Variants in PLXNA4 observed in about 807,000 individuals in gnomAD.
PLXNA4 encodes plexin-A4.
A neutral mutation model predicts 191.8 loss-of-function variants in PLXNA4; 44 were observed. The observed-to-expected ratio is 0.23, with a 90% CI of 0.18 to 0.29. The LOEUF (loss-of-function observed/expected upper bound fraction) is 0.29, where lower values mean the gene tolerates loss of function less well. Ranked by LOEUF, PLXNA4 falls within the 10% of genes least tolerant of loss-of-function variation. The probability of loss-of-function intolerance (pLI) is 1.00; values close to 1 mark genes in which losing one functional copy is unlikely to be tolerated. For missense variants in PLXNA4, 1,800 were observed against 2,488.8 expected (o/e 0.72, Z 5.89); for synonymous variants, 1,082 against 1,009.5 (o/e 1.07, Z -1.36).
chr7:132,349,546 G>A (rs963455432), intron 3 of PLXNA4, among the ~76,000 whole-genome samples: 10 of 152,192 alleles, frequency 6.6e-5, no homozygotes, highest in Non-Finnish European at 2.9e-5. Context: ...TATTTGGAAA[G>A]GCCCTCAGGG....
chr7:132,321,279 A>G (rs1220036429), intron 3 of PLXNA4, among the ~76,000 whole-genome samples: 2 of 152,116 alleles, frequency 1.3e-5, no homozygotes, highest in Admixed American at 1.3e-4. Flanking sequence ...CTGTCTGCCA[A>G]GCTGCTGAAG....
chr7:132,243,304 C>T (rs1798941721), intron 4 of PLXNA4, among the ~76,000 whole-genome samples: 2 of 152,168 alleles, frequency 1.3e-5, no homozygotes, highest in South Asian at 4.1e-4. Context: ...TAGGCTTAAA[C>T]AGAAAATCAT....
chr7:132,258,520 C>T (rs970969815), intron 4 of PLXNA4, among the ~76,000 whole-genome samples: 5 of 152,196 alleles, frequency 3.3e-5, no homozygotes, highest in Admixed American at 1.3e-4. Context: ...CTCAATGACT[C>T]CAGGAGCAGG....
chr7:132,469,398 T>G (rs1161533978), intron 3 of PLXNA4, among the ~76,000 whole-genome samples: 1 of 152,168 alleles, frequency 6.6e-6, no homozygotes, highest in African/African-American at 2.4e-5. Context: ...TGTTTTCTCA[T>G]TTTCCATTCC....
At chr7:132,319,491 T>C (rs1184954920) in intron 3 of PLXNA4, among the ~76,000 whole-genome samples, 1 of 152,188 alleles carries the variant, frequency 6.6e-6, no homozygotes, top group Non-Finnish European at 1.5e-5. Flanking sequence ...CAGGGTTCCT[T>C]GTAAATTATA....
intron 1 of PLXNA4, among the ~76,000 whole-genome samples, chr7:132,552,897 T>A (rs1393046470): frequency 6.6e-6 from 1 of 151,918 alleles, no homozygotes; most frequent in Non-Finnish European, 1.5e-5. Context: ...AAAAAAAAAA[T>A]TTGCCTTGGG....
chr7:132,321,787 G>T (rs76687834), intron 3 of PLXNA4, among the ~76,000 whole-genome samples: 5,719 of 152,186 alleles, frequency 0.038, 152 homozygotes, highest in African/African-American at 0.073. Flanking sequence ...GAGGGCCAAG[G>T]TGCATATATT....
intron 3 of PLXNA4, among the ~76,000 whole-genome samples, chr7:132,421,577 A>G (rs1794851379): frequency 7.7e-6 from 1 of 129,862 alleles, no homozygotes; most frequent in African/African-American, 4.4e-5. Context: ...TTATTGCTAA[A>G]GTTTTTTTTT....
At chr7:132,379,213 T>C (rs1166246922) in intron 3 of PLXNA4, among the ~76,000 whole-genome samples, 1 of 152,166 alleles carries the variant, frequency 6.6e-6, no homozygotes, top group East Asian at 1.9e-4. Flanking sequence ...ATTGGAGATA[T>C]TCAAGTGGAG....
At chr7:132,525,672 G>A (rs1035306784) in intron 1 of PLXNA4, among the ~76,000 whole-genome samples, 6 of 152,200 alleles carry the variant, frequency 3.9e-5, no homozygotes, top group African/African-American at 7.2e-5. Context: ...ACAAATGCCT[G>A]TCAAGCCTTT....
chr7:132,353,521 C>A (rs1007600596), intron 3 of PLXNA4, among the ~76,000 whole-genome samples: 1 of 152,066 alleles, frequency 6.6e-6, no homozygotes, highest in African/African-American at 2.4e-5. Context: ...CCTATATTCA[C>A]TAGGAAGTTT....
At chr7:132,179,643 C>T (rs1290488337) in intron 20 of PLXNA4, 44 bp downstream of exon 20, 2 of 1,595,526 alleles carry the variant, frequency 1.3e-6, no homozygotes, top group South Asian at 2.2e-5. Flanking sequence ...CACATATGCA[C>T]ACACGCACAC....
At chr7:132,357,829 T>G (rs921236009) in intron 3 of PLXNA4, among the ~76,000 whole-genome samples, 1 of 152,224 alleles carries the variant, frequency 6.6e-6, no homozygotes, top group African/African-American at 2.4e-5. Context: ...GATTTGTGCG[T>G]ACACCTGGTG....
At chr7:132,622,397 T>C (rs1461853198) in intron 2 of PLXNA4, among the ~76,000 whole-genome samples, 2 of 152,192 alleles carry the variant, frequency 1.3e-5, no homozygotes, top group Non-Finnish European at 1.5e-5. Context: ...ACCAGTATTG[T>C]GGTGAGGATT....
intron 9 of PLXNA4, among the ~76,000 whole-genome samples, chr7:132,212,438 A>C (rs73501708): frequency 0.12 from 18,216 of 152,250 alleles, 1,134 homozygotes; most frequent in Middle Eastern, 0.14. Flanking sequence ...AACAAGACTT[A>C]GGCTCAGAGG....
In PLXNA4 at chr7:132,312,419, A is replaced by G. The variant is rs186351629; in HGVS notation, c.1372-14197T>C. On this transcript the variant is annotated intron_variant, in intron 3 of 31. Coordinates refer to ENST00000321063, the MANE Select transcript of PLXNA4 (RefSeq NM_020911.2). ...GGTGCTCTGGGAGTTGCCTCTCCCC[A>G]TGTTTCAGATGTGAAAACTGAGCCC... 5.0e-3 allele frequency among the ~76,000 whole-genome samples: 761 copies of G among 152,260 alleles called. 9 individuals carry two copies. Among genetic ancestry groups the G allele is most frequent in the African/African-American group, 0.017 (724 of 41,546 alleles).
intron 3 of PLXNA4, among the ~76,000 whole-genome samples, chr7:132,420,387 C>T (rs764171664): frequency 6.6e-5 from 10 of 152,192 alleles, no homozygotes; most frequent in Non-Finnish European, 1.3e-4. Context: ...CTTTCTAATA[C>T]TTTTCTTGGC....
chr7:132,577,617 C>G (rs888615947), upstream of PLXNA4, among the ~76,000 whole-genome samples: 7 of 152,154 alleles, frequency 4.6e-5, no homozygotes, highest in Admixed American at 1.3e-4. Context: ...GCCGACACCC[C>G]CCTGGGTCCC....
intron 3 of PLXNA4, among the ~76,000 whole-genome samples, chr7:132,405,807 G>C (rs773219757): frequency 6.6e-6 from 1 of 152,168 alleles, no homozygotes; most frequent in African/African-American, 2.4e-5. Context: ...AAATTGTTTC[G>C]CTGGAGGCCT....
Sources: gnomAD v4.1 joint callset for allele counts (sites outside exome capture counted in the v4.1 genomes callset) on GRCh38, gnomAD v4.1.1 for gene constraint, MANE v1.5 for transcripts, NCBI Gene and HGNC (gene_info 2026-07-23, HGNC 2026-07-21) for gene names.